The following IRF5 variants were observed in gnomAD, a reference collection of about 807,000 sequenced individuals.
IRF5 encodes interferon regulatory factor 5.
In IRF5, 24 loss-of-function variants were observed where a neutral mutation model predicts 55.1. The observed-to-expected ratio is 0.44, with a 90% CI of 0.32 to 0.61. The LOEUF (loss-of-function observed/expected upper bound fraction) is 0.61, where lower values mean the gene tolerates loss of function less well. Among genes scored for constraint, IRF5 ranks in the 20% least tolerant of loss-of-function variants. The pLI, the probability that IRF5 is intolerant of heterozygous loss-of-function variation, is 0.07. For synonymous variants in IRF5, 258 were observed against 260.2 expected, an observed-to-expected ratio of 0.99 and a Z score of 0.08; for missense variants, 499 against 658.5, an observed-to-expected ratio of 0.76 and a Z score of 2.65.
chr7:128,942,290 A>C lies in IRF5; in HGVS notation c.195+14A>C. The stretch of plus-strand genomic sequence containing the variant: ...ACCATCTTCAAGGTAAGCCCCGGGG[A>C]GGAGGTTGGCTGGACCTCCAGGGCA... On this transcript the variant is annotated intron_variant, in intron 2 of 8. Coordinates refer to ENST00000357234, the MANE Select transcript of IRF5 (RefSeq NM_001098629.3). 1 of 1,601,102 alleles carries C rather than the reference A, an allele frequency of 6.2e-7. No individual in the cohort carries two copies. Among genetic ancestry groups the C allele is most frequent in the Non-Finnish European group, 8.5e-7 (1 of 1,171,804 alleles).
rs1050585886 is a variant in IRF5, at chr7:128,948,130, C to A, written c.1180+9C>A. 1.2e-5 allele frequency: 19 copies of A among 1,613,040 alleles called. No individual in the cohort carries two copies. Among genetic ancestry groups the A allele is most frequent in the Non-Finnish European group, 1.6e-5 (19 of 1,179,164 alleles). On this transcript the variant is annotated intron_variant, in intron 7 of 8. Coordinates refer to ENST00000357234, the MANE Select transcript of IRF5 (RefSeq NM_001098629.3). The surrounding 1 kb of genome is among the most constrained non-coding windows in gnomAD (Gnocchi z 4.6). ...GGAGCATTTTCTCAATGGTGAGGGC[C>A]CAAAGCTGTGATCCTCCTGGCTGCC...
chr7:128,947,018 T>G lies in IRF5; in HGVS notation c.448-5T>G. ...TTCCCTCCCTTGCTGGTGGTGTCCC[T>G]TCAGCTGCAGAGGATGTTGCCAAGC... On this transcript the variant is annotated splice_region_variant and splice_polypyrimidine_tract_variant and intron_variant, in intron 4 of 8. Coordinates refer to ENST00000357234, the MANE Select transcript of IRF5 (RefSeq NM_001098629.3). This position sits in a 1 kb window ranked among gnomAD's most constrained non-coding sequence, Gnocchi z 6.5. 6.2e-7 allele frequency: 1 copy of G among 1,614,046 alleles called. No individual in the cohort carries two copies. The highest frequency in any genetic ancestry group is 8.5e-7 in the Non-Finnish European group (1 of 1,179,954).
chr7:128,947,367 G>A lies in IRF5; in HGVS notation c.619G>A (p.Gly207Ser). The change falls in exon 6 of 9, where the codon GGT (glycine) becomes AGT (serine). Residue 207 changes from glycine (G) to serine (S), a missense_variant. By Grantham distance (56) the Gly-to-Ser change is moderately conservative. This residue lies in a region of IRF5 where 305 missense variants were observed against 340.2 expected (regional missense o/e 0.90). Coordinates refer to ENST00000357234, the MANE Select transcript of IRF5 (RefSeq NM_001098629.3). This position sits in a 1 kb window ranked among gnomAD's most constrained non-coding sequence, Gnocchi z 6.5. ...PPTLQPPVVL[G>S]PPAPDPSPLA... ...CACTCTGCAGCCGCCCGTGGTGCTGGGTCCCCCTGCTCCAGACCCCAGCCC... is the reference window on the plus strand; with the variant it reads ...CACTCTGCAGCCGCCCGTGGTGCTGAGTCCCCCTGCTCCAGACCCCAGCCC... 1 of 1,609,732 alleles carries A rather than the reference G, an allele frequency of 6.2e-7. No individual in the cohort carries two copies. Among genetic ancestry groups the A allele is most frequent in the Non-Finnish European group, 8.5e-7 (1 of 1,178,514 alleles).
In IRF5 at chr7:128,946,177, C is replaced by A; in HGVS notation, c.385+143C>A. ...AACGATGCGGGGGCTCCCGCTAGGT[C>A]ATGACACCCAGGGCTTCCAGGAGTG... is the stretch of plus-strand genomic sequence containing the variant. On this transcript the variant is annotated intron_variant, in intron 3 of 8. Transcript: ENST00000357234. The surrounding 1 kb of genome is among the most constrained non-coding windows in gnomAD (Gnocchi z 4.2). 1.2e-6 allele frequency: 1 copy of A among 814,072 alleles called. No individual in the cohort carries two copies. Among genetic ancestry groups the A allele is most frequent in the Non-Finnish European group, 1.9e-6 (1 of 536,164 alleles). 50.4% of individuals were successfully genotyped at this position (814,072 alleles called of 1,614,324 possible).
rs1796304370 is a variant in IRF5, at chr7:128,946,406, G to A, written c.386-95G>A. The A allele has an allele frequency of 1.4e-6, 2 of 1,459,220 alleles. No homozygotes were observed. Among genetic ancestry groups the A allele is most frequent in the Non-Finnish European group, 1.9e-6 (2 of 1,072,220 alleles). 90.4% of individuals were successfully genotyped at this position (1,459,220 alleles called of 1,614,324 possible). A position where few individuals can be genotyped will look rare whatever the true frequency, so the allele number is the denominator to read the frequency against. On this transcript the variant is annotated intron_variant, in intron 3 of 8. Coordinates refer to ENST00000357234, the MANE Select transcript of IRF5 (RefSeq NM_001098629.3). The surrounding 1 kb of genome is among the most constrained non-coding windows in gnomAD (Gnocchi z 4.2). Reference sequence around the variant, plus strand: ...GGGGGCAGCTTTGGGGAAGGCAGAAGCTGCATAGGAGCTACAGGCAGCCTC... The same window carrying A: ...GGGGGCAGCTTTGGGGAAGGCAGAAACTGCATAGGAGCTACAGGCAGCCTC...
intron 2 of IRF5, among the ~76,000 whole-genome samples, chr7:128,944,436 T>C (rs1796198771): frequency 6.6e-6 from 1 of 152,244 alleles, no homozygotes; most frequent in Non-Finnish European, 1.5e-5. Context: ...TTCTTAGTTT[T>C]TGGGCTTGAT....
Position 128,948,443 on chromosome 7 carries a change from C to T in IRF5, c.1299+115C>T. The stretch of plus-strand genomic sequence containing the variant: ...TCCCTGAGCAGTGTGAACTTGGCGG[C>T]CAGAGACCATCAAGGCTCAGAGCCG... On this transcript the variant is annotated intron_variant, in intron 8 of 8. Coordinates refer to ENST00000357234, the MANE Select transcript of IRF5 (RefSeq NM_001098629.3). This position sits in a 1 kb window ranked among gnomAD's most constrained non-coding sequence, Gnocchi z 4.6. 1 of 1,474,180 alleles carries T rather than the reference C, an allele frequency of 6.8e-7. No homozygotes were observed. The highest frequency in any genetic ancestry group is 9.3e-7 in the Non-Finnish European group (1 of 1,079,552). The allele number at this position is 1,474,180 out of a possible 1,614,324, so 91.3% of individuals were successfully genotyped here.
At chr7:128,938,250 G>C (rs573355619) in intron 1 of IRF5, 3 of 152,518 alleles carry the variant, frequency 2.0e-5, no homozygotes, top group Admixed American at 2.0e-4. Context: ...GCTCGGGTGG[G>C]TGCCTACAGC....
chr7:128,942,295 G>T lies in IRF5; in HGVS notation c.195+19G>T, dbSNP rs773025897. 1.3e-6 allele frequency: 2 copies of T among 1,597,960 alleles called. No individual in the cohort carries two copies. The highest frequency in any genetic ancestry group is 1.1e-5 in the South Asian group (1 of 89,674). Reference sequence around the variant, plus strand: ...CTTCAAGGTAAGCCCCGGGGAGGAGGTTGGCTGGACCTCCAGGGCACCCTG... The same window carrying T: ...CTTCAAGGTAAGCCCCGGGGAGGAGTTTGGCTGGACCTCCAGGGCACCCTG... On this transcript the variant is annotated intron_variant, in intron 2 of 8. Transcript: ENST00000357234.
Position 128,946,567 on chromosome 7 carries a change from G to T in IRF5, c.447+5G>T, listed in dbSNP as rs776966512. 3 of 1,590,128 alleles carry T rather than the reference G, an allele frequency of 1.9e-6. No individual in the cohort carries two copies. In the East Asian group the frequency reaches 6.7e-5, roughly 36 times the overall value. On this transcript the variant is annotated splice_donor_5th_base_variant and intron_variant, in intron 4 of 8. Coordinates refer to ENST00000357234, the MANE Select transcript of IRF5 (RefSeq NM_001098629.3). This position sits in a 1 kb window ranked among gnomAD's most constrained non-coding sequence, Gnocchi z 4.2. The stretch of plus-strand genomic sequence containing the variant: ...GAGGAGGAAGAAGAGGAAGAGGTGA[G>T]TGTGGGTTGAGGAGGCAGGTGGAGC...
chr7:128,947,828 A>AG lies in IRF5; in HGVS notation c.889dup (p.Ala297GlyfsTer23), dbSNP rs753999099. 1 of 1,613,842 alleles carries AG rather than the reference A, an allele frequency of 6.2e-7. No individual in the cohort carries two copies. On this transcript the variant is annotated frameshift_variant, in exon 7 of 9. Coordinates refer to ENST00000357234, the MANE Select transcript of IRF5 (RefSeq NM_001098629.3). LOFTEE classifies it high-confidence loss of function. This position sits in a 1 kb window ranked among gnomAD's most constrained non-coding sequence, Gnocchi z 6.5. The stretch of plus-strand genomic sequence containing the variant: ...TGCCGGCTCTTCTACAGCCAGCTGG[A>AG]GGCCACCCAGGAGCAGGTGGAACTC...
chr7:128,940,169 C>T (rs1039288028), intron 1 of IRF5: 6 of 152,450 alleles, frequency 3.9e-5, no homozygotes, highest in Non-Finnish European at 4.4e-5. Flanking sequence ...CCCTCTGACA[C>T]TGAGGTCGGA....
Position 128,948,035 on chromosome 7 carries a change from C to A in IRF5, c.1094C>A (p.Pro365His). 6.2e-7 allele frequency: 1 copy of A among 1,614,194 alleles called. No individual in the cohort carries two copies. Among genetic ancestry groups the A allele is most frequent in the East Asian group, 2.2e-5 (1 of 44,880 alleles). Residue 365 changes from proline to histidine, a missense_variant, in exon 7 of 9, where the codon CCT becomes CAT. Around this residue, in one of 2 missense-constraint regions of IRF5, gnomAD observed 194 missense variants for 318.3 expected, o/e 0.61. Coordinates refer to ENST00000357234, the MANE Select transcript of IRF5 (RefSeq NM_001098629.3). The surrounding 1 kb of genome is among the most constrained non-coding windows in gnomAD (Gnocchi z 4.6). ...LCQCKVFWSG[P>H]CASAHDSCPN... ...CAGTGCAAGGTGTTCTGGAGCGGGC[C>A]TTGTGCCTCAGCCCATGACTCATGC...
chr7:128,947,605 A>AG lies in IRF5; in HGVS notation c.787+73dup. On this transcript the variant is annotated intron_variant, in intron 6 of 8. Transcript: ENST00000357234. This position sits in a 1 kb window ranked among gnomAD's most constrained non-coding sequence, Gnocchi z 6.5. ...GGGGTAGGATTGGCAAGGAGGGTGGAGGGTGCTGGACTCCCTTGGGTGGGA... is the reference window on the plus strand; with the variant it reads ...GGGGTAGGATTGGCAAGGAGGGTGGAGGGGTGCTGGACTCCCTTGGGTGGGA... 1 of 1,516,428 alleles carries AG rather than the reference A, an allele frequency of 6.6e-7. No homozygotes were observed. 93.9% of individuals were successfully genotyped at this position (1,516,428 alleles called of 1,614,324 possible).
At position 128,944,569 on chromosome 7, in the gene IRF5, A is replaced by G. The variant is rs138100328; in HGVS notation, c.196-1276A>G. 4.3e-4 allele frequency among the ~76,000 whole-genome samples: 66 copies of G among 152,218 alleles called. 1 individual carries two copies. In the East Asian group the frequency reaches 0.01, roughly 23 times the overall value. On this transcript the variant is annotated intron_variant, in intron 2 of 8. Coordinates refer to ENST00000357234, the MANE Select transcript of IRF5 (RefSeq NM_001098629.3). Reference sequence around the variant, plus strand: ...AAAAGTCTCCCTCCTTCCCTGGTTCATCACCACCCACTCCCCTCCCTAGCC... The same window carrying G: ...AAAAGTCTCCCTCCTTCCCTGGTTCGTCACCACCCACTCCCCTCCCTAGCC...
chr7:128,946,091 C>G lies in IRF5; in HGVS notation c.385+57C>G. ...GGAGGCTGTGCAATGTCCTGGCCCC[C>G]AGCCATGAGCTCTTGGGTGCAGGCA... is the stretch of plus-strand genomic sequence containing the variant. On this transcript the variant is annotated intron_variant, in intron 3 of 8. Coordinates refer to ENST00000357234, the MANE Select transcript of IRF5 (RefSeq NM_001098629.3). The surrounding 1 kb of genome is among the most constrained non-coding windows in gnomAD (Gnocchi z 4.2). 6.8e-7 allele frequency: 1 copy of G among 1,475,172 alleles called. No individual in the cohort carries two copies. Among genetic ancestry groups the G allele is most frequent in the Non-Finnish European group, 9.1e-7 (1 of 1,103,326 alleles). 91.4% of individuals were successfully genotyped at this position (1,475,172 alleles called of 1,614,324 possible).
chr7:128,939,680 G>C (rs1795918522), intron 1 of IRF5, among the ~76,000 whole-genome samples: 1 of 152,180 alleles, frequency 6.6e-6, no homozygotes, highest in African/African-American at 2.4e-5. Flanking sequence ...TGGGGGCACT[G>C]TCTCCTGGGA....
chr7:128,949,497 C>G lies in IRF5; in HGVS notation c.*679C>G, dbSNP rs1253769737. 6.6e-6 allele frequency: 1 copy of G among 152,244 alleles called. No homozygotes were observed. Among genetic ancestry groups the G allele is most frequent in the Non-Finnish European group, 1.5e-5 (1 of 68,058 alleles). The allele number at this position is 152,244 out of a possible 1,614,324, so 9.4% of individuals were successfully genotyped here. A position where few individuals can be genotyped will look rare whatever the true frequency, so the allele number is the denominator to read the frequency against. ...TCCCCAAGCACTTGCCCCCAGCTTG[C>G]GACCATTGGCACTGGGAGGGCCTGG... On this transcript the variant is annotated 3_prime_UTR_variant, in exon 9 of 9. Coordinates refer to ENST00000357234, the MANE Select transcript of IRF5 (RefSeq NM_001098629.3).
At chr7:128,941,244 G>A (rs1796003139) in intron 1 of IRF5, 1 of 152,460 alleles carries the variant, frequency 6.6e-6, no homozygotes, top group Non-Finnish European at 1.5e-5. Flanking sequence ...CCCTGGGTAG[G>A]TAGCAGTTAG....
Sources: gnomAD v4.1 joint callset for allele counts (sites outside exome capture counted in the v4.1 genomes callset) on GRCh38, gnomAD v4.1.1 for gene constraint, gnomAD v4.1.1 regional missense constraint, Gnocchi (gnomAD v3.1) non-coding constraint, MANE v1.5 for transcripts, NCBI Gene and HGNC (gene_info 2026-07-23, HGNC 2026-07-21) for gene names.